KAZN: variants seen among roughly 807,000 people sequenced by gnomAD.
KAZN encodes the protein kazrin, periplakin interacting protein.
In KAZN, 40 loss-of-function variants were observed where a neutral mutation model predicts 87.4. The observed-to-expected ratio is 0.46, with a 90% CI of 0.36 to 0.60. The LOEUF (loss-of-function observed/expected upper bound fraction) is 0.60. KAZN is among the 20% of genes least tolerant of loss of function. KAZN has a pLI of 0.00. For synonymous variants in KAZN, 466 were observed against 458.3 expected, an observed-to-expected ratio of 1.02 and a Z score of -0.22; for missense variants, 898 against 1,073.9, an observed-to-expected ratio of 0.84 and a Z score of 2.29.
chr1:15,080,220 G>T lies in KAZN; in HGVS notation c.1223-13960G>T, dbSNP rs570306516. Among the ~76,000 whole-genome samples, 4 of 152,332 alleles carry T rather than the reference G, an allele frequency of 2.6e-5. No individual in the cohort carries two copies. In the East Asian group the frequency reaches 7.7e-4, roughly 29 times the overall value. Reference sequence around the variant, plus strand: ...AAGACGGTGGCACCAAAATGAGGGGGCGCCCATGTGATTTTTTAAAAGTAT... The same window carrying T: ...AAGACGGTGGCACCAAAATGAGGGGTCGCCCATGTGATTTTTTAAAAGTAT... On this transcript the variant is annotated intron_variant, in intron 8 of 14. Coordinates refer to ENST00000376030, the MANE Select transcript of KAZN (RefSeq NM_201628.3).
intron 1 of KAZN, among the ~76,000 whole-genome samples, chr1:14,823,463 C>T (rs1646794640): frequency 6.6e-6 from 1 of 152,056 alleles, no homozygotes; most frequent in African/African-American, 2.4e-5. Flanking sequence ...GTATCCCCAC[C>T]CCCACTCCCA....
intron 1 of KAZN, among the ~76,000 whole-genome samples, chr1:14,857,683 G>A (rs1246191821): frequency 6.6e-6 from 1 of 152,048 alleles, no homozygotes; most frequent in Non-Finnish European, 1.5e-5. Context: ...ATGTTTTGTC[G>A]CTTTATTTCC....
At chr1:14,415,023 C>T (rs1382065696) in intron 2 of KAZN, among the ~76,000 whole-genome samples, 1 of 152,070 alleles carries the variant, frequency 6.6e-6, no homozygotes, top group Non-Finnish European at 1.5e-5. Context: ...GAGACTGCAT[C>T]TCAAAATAAA....
At chr1:14,088,053 A>G (rs774072054) in intron 1 of KAZN, among the ~76,000 whole-genome samples, 99 of 150,624 alleles carry the variant, frequency 6.6e-4, no homozygotes, top group Admixed American at 1.3e-3. Context: ...GTTGGGTAAA[A>G]TTCACCAGTG....
At chr1:14,971,623 T>A (rs1442339647) in intron 2 of KAZN, among the ~76,000 whole-genome samples, 1 of 150,766 alleles carries the variant, frequency 6.6e-6, no homozygotes, top group Non-Finnish European at 1.5e-5. Context: ...GAAGTGGGTG[T>A]CTTTCAGAGG....
chr1:13,953,319 T>A lies in KAZN; in HGVS notation c.91+59563T>A, dbSNP rs536435011. ...ACTTTTTGGCCCGTGGAGTACTTCA[T>A]GCTGTAGAAGTCAATCTTGGTTCTG... On this transcript the variant is annotated intron_variant, in intron 1 of 16. Transcript: ENST00000636203. 4.4e-4 allele frequency among the ~76,000 whole-genome samples: 67 copies of A among 152,322 alleles called. 1 individual carries two copies. The highest frequency in any genetic ancestry group is 8.4e-4 in the Non-Finnish European group (57 of 68,022).
chr1:14,315,984 C>T (rs2100824977), intron 2 of KAZN, among the ~76,000 whole-genome samples: 1 of 151,980 alleles, frequency 6.6e-6, no homozygotes, highest in East Asian at 1.9e-4. Context: ...AACTTCTGCC[C>T]AGGTAGTTTT....
At chr1:14,089,969 G>A (rs889981278) in intron 1 of KAZN, among the ~76,000 whole-genome samples, 1 of 151,024 alleles carries the variant, frequency 6.6e-6, no homozygotes, top group African/African-American at 2.4e-5. Flanking sequence ...GTGATGAGAA[G>A]TTTGTTGATA....
rs554532720 is a variant in KAZN, at chr1:14,293,518, C to T, written c.249+112926C>T. Among the ~76,000 whole-genome samples, 9 of 152,284 alleles carry T rather than the reference C, an allele frequency of 5.9e-5. No individual in the cohort carries two copies. The South Asian group carries it at 1.0e-3, about 18-fold the overall frequency. The stretch of plus-strand genomic sequence containing the variant: ...GTGTTGCCATGTCCCAACAGGATCA[C>T]GACCCATTTGGAAGATACCGACATT... On this transcript the variant is annotated intron_variant, in intron 2 of 16. Coordinates refer to the KAZN transcript ENST00000636203.
chr1:14,591,155 TGGAAAATCAAATAGTGC>T (rs1676171511), intron 2 of KAZN, among the ~76,000 whole-genome samples: 1 of 148,414 alleles, frequency 6.7e-6, no homozygotes, highest in African/African-American at 2.5e-5. Context: ...TCTGGGTTGC[TGGAAAATCAAATAGTGC>T]CCCCCCCCCA....
chr1:14,161,767 C>G (rs990007226), intron 1 of KAZN, among the ~76,000 whole-genome samples: 2 of 152,142 alleles, frequency 1.3e-5, no homozygotes, highest in Non-Finnish European at 2.9e-5. Context: ...AAAATATACT[C>G]CTTCCATCTC....
At chr1:14,680,967 A>C (rs577309037) in intron 1 of KAZN, among the ~76,000 whole-genome samples, 39 of 152,344 alleles carry the variant, frequency 2.6e-4, no homozygotes, top group Non-Finnish European at 5.3e-4. Context: ...GGTAGCTTAC[A>C]GTCATGGCAG....
chr1:14,838,032 C>A (rs1557541778), intron 1 of KAZN, among the ~76,000 whole-genome samples: 1 of 152,096 alleles, frequency 6.6e-6, no homozygotes, highest in East Asian at 1.9e-4. Flanking sequence ...TTATTTCTGA[C>A]AGTTCTGGAG....
chr1:14,335,110 C>CCG (rs1553159273), intron 2 of KAZN, among the ~76,000 whole-genome samples: 175 of 147,140 alleles, frequency 1.2e-3, no homozygotes, highest in Non-Finnish European at 2.0e-3. Flanking sequence ...CTCGGTGCCC[C>CCG]CCCCCCACCA....
chr1:14,946,039 T>C (rs1211157535), intron 1 of KAZN: 1 of 385,198 alleles, frequency 2.6e-6, no homozygotes, highest in African/African-American at 2.2e-5. Flanking sequence ...ACTATTGTGA[T>C]CTTCATTCTC....
intron 1 of KAZN, among the ~76,000 whole-genome samples, chr1:14,064,992 A>G (rs1166179525): frequency 6.6e-6 from 1 of 152,182 alleles, no homozygotes; most frequent in Non-Finnish European, 1.5e-5. Flanking sequence ...CTCCTGGTCA[A>G]GAGGCTGGGT....
chr1:14,572,427 G>A (rs1674926351), intron 2 of KAZN, among the ~76,000 whole-genome samples: 1 of 152,164 alleles, frequency 6.6e-6, no homozygotes, highest in Admixed American at 6.5e-5. Flanking sequence ...GGTGAAAATA[G>A]CCCCAGGCTT....
At chr1:14,121,046 C>T (rs1183574560) in intron 1 of KAZN, among the ~76,000 whole-genome samples, 2 of 152,094 alleles carry the variant, frequency 1.3e-5, no homozygotes, top group Non-Finnish European at 2.9e-5. Flanking sequence ...GAGGCAAGAG[C>T]TGACTGAGGA....
intron 2 of KAZN, among the ~76,000 whole-genome samples, chr1:14,373,540 T>G (rs1207547043): frequency 2.0e-5 from 3 of 152,172 alleles, no homozygotes; most frequent in African/African-American, 7.2e-5. Context: ...CTGTTTAACT[T>G]GATTCAAATG....
Sources: gnomAD v4.1 joint callset for allele counts (sites outside exome capture counted in the v4.1 genomes callset) on GRCh38, gnomAD v4.1.1 for gene constraint, MANE v1.5 for transcripts, NCBI Gene and HGNC (gene_info 2026-07-23, HGNC 2026-07-21) for gene names.